Variants in CSNK1A1 observed in about 807,000 individuals in gnomAD.
The protein encoded by CSNK1A1 is casein kinase I isoform alpha.
In CSNK1A1, 7 loss-of-function variants were observed where a neutral mutation model predicts 46.1. The observed-to-expected ratio is 0.15, with a 90% CI of 0.09 to 0.29. The LOEUF is 0.29. Among genes scored for constraint, CSNK1A1 ranks in the 10% least tolerant of loss-of-function variants. The pLI, the probability that CSNK1A1 is intolerant of heterozygous loss-of-function variation, is 1.00. For missense variants in CSNK1A1, 96 were observed against 417.1 expected (o/e 0.23, Z 6.71); for synonymous variants, 137 against 141.5 (o/e 0.97, Z 0.23).
chr5:149,548,398 C>G (rs1419699358), intron 2 of CSNK1A1, among the ~76,000 whole-genome samples: 1 of 144,170 alleles, frequency 6.9e-6, no homozygotes, highest in African/African-American at 2.6e-5. Context: ...AAAACCTCAG[C>G]TCTACTAAAA....
chr5:149,503,778 TTAAAA>T (rs1313892860), intron 9 of CSNK1A1: 1 of 985,390 alleles, frequency 1.0e-6, no homozygotes, highest in East Asian at 1.1e-4. Context: ...AGAAACTAAC[TTAAAA>T]TAAGGTAATT....
At chr5:149,542,883 T>C (rs1238454683) in intron 2 of CSNK1A1, among the ~76,000 whole-genome samples, 2 of 149,870 alleles carry the variant, frequency 1.3e-5, no homozygotes, top group African/African-American at 2.5e-5. Flanking sequence ...TCAGTAGAGA[T>C]GGGGTTTCAC....
In CSNK1A1 at chr5:149,551,023, A is replaced by T; in HGVS notation, c.-59T>A. On this transcript the variant is annotated 5_prime_UTR_variant, in exon 1 of 10. Transcript: ENST00000377843. The stretch of plus-strand genomic sequence containing the variant: ...CCCGACACCTCTGGGAAGAGGACGG[A>T]GGCCTCGGGGCTCCTACACTAGGCA... 1 of 1,602,196 alleles carries T rather than the reference A, an allele frequency of 6.2e-7. No individual in the cohort carries two copies. Among genetic ancestry groups the T allele is most frequent in the South Asian group, 1.1e-5 (1 of 90,852 alleles).
At chr5:149,505,193 A>C (rs1760983984) in intron 9 of CSNK1A1, 3 of 1,123,092 alleles carry the variant, frequency 2.7e-6, no homozygotes, top group East Asian at 4.8e-5. Flanking sequence ...AAAATGACCC[A>C]AAATCCCAAG....
intron 4 of CSNK1A1, among the ~76,000 whole-genome samples, chr5:149,516,968 T>A (rs1761423742): frequency 6.6e-6 from 1 of 152,196 alleles, no homozygotes; most frequent in African/African-American, 2.4e-5. Context: ...CTAAACTGAA[T>A]GATTAAGATT....
intron 9 of CSNK1A1, chr5:149,499,182 T>C: frequency 1.0e-6 from 1 of 985,184 alleles, no homozygotes; most frequent in Non-Finnish European, 1.2e-6. Flanking sequence ...CCAATACGCA[T>C]TGGTCTTTGG....
chr5:149,501,532 A>G, intron 9 of CSNK1A1: 2 of 985,288 alleles, frequency 2.0e-6, no homozygotes, highest in Non-Finnish European at 2.4e-6. Context: ...ATGGTAGGTC[A>G]ATATGATAGA....
chr5:149,504,521 C>T, intron 9 of CSNK1A1: 1 of 985,318 alleles, frequency 1.0e-6, no homozygotes, highest in South Asian at 4.7e-5. Context: ...AGGAGGTAAG[C>T]CCCAGAAATG....
intron 2 of CSNK1A1, among the ~76,000 whole-genome samples, chr5:149,529,318 G>C (rs964959949): frequency 6.6e-5 from 10 of 152,154 alleles, no homozygotes; most frequent in Non-Finnish European, 1.3e-4. Flanking sequence ...AAGGTCTGAA[G>C]ATAATGCCAA....
At chr5:149,502,989 C>T in intron 9 of CSNK1A1, 1 of 841,530 alleles carries the variant, frequency 1.2e-6, no homozygotes. Context: ...GACTCTCGAA[C>T]TCCTGGCCTC....
At chr5:149,498,441 C>T in intron 9 of CSNK1A1, 1 of 985,254 alleles carries the variant, frequency 1.0e-6, no homozygotes, top group South Asian at 4.7e-5. Context: ...TCAAACCAAA[C>T]CTTAATAAAA....
At chr5:149,542,678 A>ATATATATG (rs1762335015) in intron 2 of CSNK1A1, among the ~76,000 whole-genome samples, 1 of 11,160 alleles carries the variant, frequency 9.0e-5, no homozygotes. Context: ...ATATGTATAT[A>ATATATATG]TATATATATA....
At chr5:149,535,731 T>C (rs1209483237) in intron 2 of CSNK1A1, among the ~76,000 whole-genome samples, 1 of 152,148 alleles carries the variant, frequency 6.6e-6, no homozygotes, top group East Asian at 1.9e-4. Context: ...CCTCTCTGCC[T>C]CCCAGATTCA....
At position 149,503,922 on chromosome 5, in the gene CSNK1A1, T is replaced by G. The variant is rs532954943; in HGVS notation, c.1006+1525A>C. ...CCCAGCTAGCTTTCGGCAAAATTGG[T>G]TTCATTTTGTGAGAAAAAGCAAATA... On this transcript the variant is annotated intron_variant, in intron 9 of 9. Coordinates refer to ENST00000377843, the MANE Select transcript of CSNK1A1 (RefSeq NM_001892.6). The G allele has an allele frequency of 5.1e-6, 5 of 985,422 alleles. No individual in the cohort carries two copies. The African/African-American group carries it at 7.0e-5, about 14-fold the overall frequency. 61.0% of individuals were successfully genotyped at this position (985,422 alleles called of 1,614,324 possible).
intron 9 of CSNK1A1, chr5:149,497,644 T>C: frequency 1.0e-6 from 1 of 985,386 alleles, no homozygotes; most frequent in Non-Finnish European, 1.2e-6. Context: ...CCCACAGCAA[T>C]AGCCTGAAAA....
At chr5:149,500,782 T>A (rs1001656818) in intron 9 of CSNK1A1, among the ~76,000 whole-genome samples, 10 of 150,730 alleles carry the variant, frequency 6.6e-5, no homozygotes, top group Admixed American at 4.0e-4. Flanking sequence ...TTAAATCAGA[T>A]TGGCAGTATC....
chr5:149,504,165 T>C (rs960235062), intron 9 of CSNK1A1: 3 of 985,308 alleles, frequency 3.0e-6, no homozygotes, highest in Non-Finnish European at 2.4e-6. Context: ...GGGTTTGCTA[T>C]CCTGAGTTTA....
At chr5:149,527,419 C>T (rs1031252187) in intron 2 of CSNK1A1, among the ~76,000 whole-genome samples, 27 of 152,164 alleles carry the variant, frequency 1.8e-4, no homozygotes, top group Non-Finnish European at 3.1e-4. Flanking sequence ...AGCCACCACA[C>T]CCGGCCAGAA....
At position 149,509,798 on chromosome 5, in the gene CSNK1A1, C is replaced by T. The variant is rs562198561; in HGVS notation, c.750+81G>A. ...CTCATGTGACCTACTGCCTTGGCCTCCCAAAGTGCTGGGATTACAGGTGTG... is the reference window on the plus strand; with the variant it reads ...CTCATGTGACCTACTGCCTTGGCCTTCCAAAGTGCTGGGATTACAGGTGTG... On this transcript the variant is annotated intron_variant, in intron 7 of 9. Coordinates refer to ENST00000377843, the MANE Select transcript of CSNK1A1 (RefSeq NM_001892.6). 229 of 1,071,390 alleles carry T rather than the reference C, an allele frequency of 2.1e-4. 1 individual carries two copies. The highest frequency in any genetic ancestry group is 1.2e-3 in the Admixed American group (53 of 45,378). The allele number at this position is 1,071,390 out of a possible 1,614,324, so 66.4% of individuals were successfully genotyped here.
Sources: gnomAD v4.1 joint callset for allele counts (sites outside exome capture counted in the v4.1 genomes callset) on GRCh38, gnomAD v4.1.1 for gene constraint, MANE v1.5 for transcripts, NCBI Gene and HGNC (gene_info 2026-07-23, HGNC 2026-07-21) for gene names.